The following SLCO3A1 variants were observed in gnomAD, a reference collection of about 807,000 sequenced individuals.
The protein encoded by SLCO3A1 is PGE1 transporter.
In SLCO3A1, 27 loss-of-function variants were observed where a neutral mutation model predicts 63.1. That is an observed-to-expected ratio of 0.43 (90% confidence interval 0.32 to 0.59). The LOEUF is 0.59. SLCO3A1 is among the 20% of genes least tolerant of loss of function. The probability of loss-of-function intolerance (pLI) is 0.09; values close to 1 mark genes in which losing one functional copy is unlikely to be tolerated. For missense variants in SLCO3A1, 773 were observed against 945.8 expected (o/e 0.82, Z 2.40); for synonymous variants, 473 against 409.9 (o/e 1.15, Z -1.86).
At chr15:92,057,394 T>C (rs934787752) in intron 2 of SLCO3A1, among the ~76,000 whole-genome samples, 1 of 152,310 alleles carries the variant, frequency 6.6e-6, no homozygotes, top group East Asian at 1.9e-4. Context: ...TTCCTGAAGA[T>C]AATGGTTAGA....
chr15:91,947,152 G>A (rs942613325), intron 2 of SLCO3A1, among the ~76,000 whole-genome samples: 15 of 152,250 alleles, frequency 9.9e-5, no homozygotes, highest in African/African-American at 3.1e-4. Flanking sequence ...ACAGGGCAAA[G>A]GAAGCTTCGC....
At position 91,872,650 on chromosome 15, in the gene SLCO3A1, T is replaced by A. The variant is rs1897308151; in HGVS notation, c.180+18562T>A. On this transcript the variant is annotated intron_variant, in intron 1 of 9. Coordinates refer to ENST00000318445, the MANE Select transcript of SLCO3A1 (RefSeq NM_013272.4). This position sits in a 1 kb window ranked among gnomAD's most constrained non-coding sequence, Gnocchi z 4.1. ...CAGCTCTAAATTCCCTTCTCTTTGA[T>A]CACACCACGCCTTGAAAAAATTCGC... Among the ~76,000 whole-genome samples the A allele has an allele frequency of 6.6e-6, 1 of 152,242 alleles. No individual in the cohort carries two copies. Among genetic ancestry groups the A allele is most frequent in the African/African-American group, 2.4e-5 (1 of 41,460 alleles).
At chr15:92,048,392 A>C (rs1487602780) in intron 2 of SLCO3A1, among the ~76,000 whole-genome samples, 2 of 152,102 alleles carry the variant, frequency 1.3e-5, no homozygotes, top group African/African-American at 2.4e-5. Context: ...TCGTGTTGTC[A>C]CTGGGAAGGA....
At chr15:92,103,293 GCTCAC>G in intron 3 of SLCO3A1, among the ~76,000 whole-genome samples, 1 of 152,254 alleles carries the variant, frequency 6.6e-6, no homozygotes, top group South Asian at 2.1e-4. Context: ...TTTCTAAGCA[GCTCAC>G]CTGGGAGCTG....
rs987492497 is a variant in SLCO3A1, at chr15:91,856,301, T to G, written c.180+2213T>G. Among the ~76,000 whole-genome samples, 3 of 152,056 alleles carry G rather than the reference T, an allele frequency of 2.0e-5. No homozygotes were observed. The highest frequency in any genetic ancestry group is 6.6e-5 in the Admixed American group (1 of 15,266). Reference sequence around the variant, plus strand: ...AGAGGACAGGCCTAGGAAATTGAATTCATTTTGATTACTAGGAGTGGAGGC... The same window carrying G: ...AGAGGACAGGCCTAGGAAATTGAATGCATTTTGATTACTAGGAGTGGAGGC... On this transcript the variant is annotated intron_variant, in intron 1 of 9. Coordinates refer to ENST00000318445, the MANE Select transcript of SLCO3A1 (RefSeq NM_013272.4). This position sits in a 1 kb window ranked among gnomAD's most constrained non-coding sequence, Gnocchi z 4.9.
intron 2 of SLCO3A1, among the ~76,000 whole-genome samples, chr15:91,991,397 G>C (rs1046819220): frequency 3.3e-5 from 5 of 152,154 alleles, no homozygotes; most frequent in African/African-American, 1.2e-4. Context: ...TGTGTTAACA[G>C]TTGTTTGAAA....
chr15:91,913,720 T>C (rs1284740565), intron 1 of SLCO3A1, among the ~76,000 whole-genome samples: 1 of 152,194 alleles, frequency 6.6e-6, no homozygotes, highest in Non-Finnish European at 1.5e-5. Flanking sequence ...GCATGGACGT[T>C]TACAACAGTG....
chr15:91,910,372 C>T (rs982457824), intron 1 of SLCO3A1, among the ~76,000 whole-genome samples: 1 of 152,240 alleles, frequency 6.6e-6, no homozygotes, highest in African/African-American at 2.4e-5. Flanking sequence ...TGTCCCCAGA[C>T]TGTAAACTCC....
At chr15:91,927,119 A>G (rs1040351619) in intron 2 of SLCO3A1, among the ~76,000 whole-genome samples, 1 of 152,068 alleles carries the variant, frequency 6.6e-6, no homozygotes, top group African/African-American at 2.4e-5. Context: ...TGTGGTGAAA[A>G]GTCAGAATGC....
At chr15:92,162,513 A>T in intron 9 of SLCO3A1, 1 of 534,444 alleles carries the variant, frequency 1.9e-6, no homozygotes, top group Non-Finnish European at 3.2e-6. Flanking sequence ...TATTATCATC[A>T]TCCCCATTTT....
chr15:92,021,388 A>C, intron 2 of SLCO3A1, among the ~76,000 whole-genome samples: 1 of 152,234 alleles, frequency 6.6e-6, no homozygotes, highest in Non-Finnish European at 1.5e-5. Context: ...TGAGGGCAAG[A>C]GACTGTTTCA....
At chr15:92,048,027 A>G (rs1031165774) in intron 2 of SLCO3A1, among the ~76,000 whole-genome samples, 22 of 152,080 alleles carry the variant, frequency 1.4e-4, no homozygotes, top group African/African-American at 5.1e-4. Flanking sequence ...TCTGCCCCTA[A>G]TAGACCACAG....
At position 91,957,038 on chromosome 15, in the gene SLCO3A1, A is replaced by G; in HGVS notation, c.646+40580A>G. 1.1e-4 allele frequency among the ~76,000 whole-genome samples: 2 copies of G among 17,676 alleles called. 1 individual carries two copies. The highest frequency in any genetic ancestry group is 3.1e-3 in the East Asian group (2 of 642). 11.6% of individuals were successfully genotyped at this position (17,676 alleles called of 152,430 possible). ...ATATAGTATATATAATATATAATAT[A>G]TAGTATATATATAATATATACTATA... On this transcript the variant is annotated intron_variant, in intron 2 of 9. Transcript: ENST00000318445.
At chr15:91,963,702 G>A (rs2151423249) in intron 2 of SLCO3A1, among the ~76,000 whole-genome samples, 1 of 152,200 alleles carries the variant, frequency 6.6e-6, no homozygotes, top group South Asian at 2.1e-4. Flanking sequence ...AGATGTGTCA[G>A]GAGTTTCTTC....
At chr15:91,983,137 T>C (rs1190816019) in intron 2 of SLCO3A1, among the ~76,000 whole-genome samples, 1 of 152,242 alleles carries the variant, frequency 6.6e-6, no homozygotes, top group Non-Finnish European at 1.5e-5. Flanking sequence ...TTTTACAAGA[T>C]ACACTTGACC....
In SLCO3A1 at chr15:92,094,883, A is replaced by T; in HGVS notation, c.649A>T (p.Ile217Phe). The change falls in exon 3 of 10, where the codon ATC (isoleucine) becomes TTC (phenylalanine). Residue 217 changes from isoleucine (I) to phenylalanine (F), a missense_variant and splice_region_variant. Ile to Phe is a conservative substitution (Grantham distance 21). Transcript: ENST00000318445. ...TTTTTTTCTTCATCTTCCTTCAGGA[A>T]TCCTGTTCACGATGCTGGTATTTGG... ...RRKDSSLYIG[I>F]LFTMLVFGPA... 6.2e-7 allele frequency: 1 copy of T among 1,610,398 alleles called. No homozygotes were observed. The highest frequency in any genetic ancestry group is 8.5e-7 in the Non-Finnish European group (1 of 1,176,892).
intron 2 of SLCO3A1, among the ~76,000 whole-genome samples, chr15:92,083,554 T>C (rs1318833840): frequency 1.3e-5 from 2 of 152,226 alleles, no homozygotes; most frequent in Non-Finnish European, 2.9e-5. Flanking sequence ...GAAATTCTAT[T>C]GCAATAGATA....
chr15:92,170,475 C>A (rs548926498), downstream of SLCO3A1, among the ~76,000 whole-genome samples: 7 of 152,274 alleles, frequency 4.6e-5, no homozygotes, highest in African/African-American at 1.7e-4. Context: ...TCAGCAAATC[C>A]AACCGTTCTA....
intron 2 of SLCO3A1, among the ~76,000 whole-genome samples, chr15:91,932,314 G>A (rs1899264176): frequency 6.6e-6 from 1 of 152,114 alleles, no homozygotes; most frequent in African/African-American, 2.4e-5. Context: ...TAAAAAGGAT[G>A]GTTGAATGAA....
Sources: allele counts gnomAD v4.1 joint callset (sites outside exome capture counted in the v4.1 genomes callset), GRCh38; gene constraint gnomAD v4.1.1; non-coding constraint Gnocchi (gnomAD v3.1); transcripts MANE v1.5; gene names NCBI Gene and HGNC (gene_info 2026-07-23, HGNC 2026-07-21).